Variants in TMEM135 observed in about 807,000 individuals in gnomAD.
The protein encoded by TMEM135 is transmembrane protein 135.
In TMEM135, 30 loss-of-function variants were observed where a neutral mutation model predicts 60.3. That is an observed-to-expected ratio of 0.50 (90% confidence interval 0.37 to 0.68). TMEM135 has a LOEUF of 0.68. TMEM135 is among the 30% of genes least tolerant of loss of function. The probability of loss-of-function intolerance (pLI) is 0.00; values close to 1 mark genes in which losing one functional copy is unlikely to be tolerated. For missense variants in TMEM135, 468 were observed against 548.8 expected (o/e 0.85, Z 1.47); for synonymous variants, 190 against 186.7 (o/e 1.02, Z -0.14).
At chr11:87,303,980 C>G (rs572709503) in intron 8 of TMEM135, among the ~76,000 whole-genome samples, 1 of 152,134 alleles carries the variant, frequency 6.6e-6, no homozygotes, top group Non-Finnish European at 1.5e-5. Flanking sequence ...GCAAATAATA[C>G]AAGAGACAGG....
At chr11:87,119,692 C>T (rs1857991483) in intron 4 of TMEM135, among the ~76,000 whole-genome samples, 1 of 152,192 alleles carries the variant, frequency 6.6e-6, no homozygotes, top group South Asian at 2.1e-4. Context: ...TAGAAAGACT[C>T]TGTCTCAAAA....
intron 5 of TMEM135, among the ~76,000 whole-genome samples, chr11:87,174,287 A>G (rs1184181363): frequency 2.0e-5 from 3 of 152,110 alleles, no homozygotes; most frequent in East Asian, 3.8e-4. Context: ...TACCTTACAC[A>G]TGTCTATTGC....
intron 6 of TMEM135, among the ~76,000 whole-genome samples, chr11:87,270,657 C>T (rs568428302): frequency 7.2e-5 from 11 of 152,232 alleles, no homozygotes; most frequent in Admixed American, 5.2e-4. Flanking sequence ...TCCTCTGAAA[C>T]TAAGTAAGAC....
chr11:87,101,988 AAAGAAG>A (rs1305024897), intron 4 of TMEM135, among the ~76,000 whole-genome samples: 1 of 152,292 alleles, frequency 6.6e-6, no homozygotes, highest in Middle Eastern at 3.4e-3. Flanking sequence ...AAAAAAAACA[AAAGAAG>A]AAGAAAAAAG....
intron 6 of TMEM135, among the ~76,000 whole-genome samples, chr11:87,288,427 A>C (rs1176776750): frequency 6.6e-6 from 1 of 152,206 alleles, no homozygotes; most frequent in Admixed American, 6.5e-5. Context: ...AAGCAAGTAT[A>C]ATACTCTTAG....
chr11:87,274,025 A>T (rs1453396759), intron 6 of TMEM135, among the ~76,000 whole-genome samples: 1 of 152,158 alleles, frequency 6.6e-6, no homozygotes, highest in Admixed American at 6.5e-5. Context: ...AGGATACCAG[A>T]TATGAGATTT....
intron 5 of TMEM135, among the ~76,000 whole-genome samples, chr11:87,170,679 C>T (rs184022535): frequency 1.9e-3 from 287 of 152,270 alleles, no homozygotes; most frequent in Non-Finnish European, 3.0e-3. Flanking sequence ...CCCAGAGTGG[C>T]ATCCATCAGA....
At chr11:87,224,759 GTTT>G (rs11307183) in intron 5 of TMEM135, among the ~76,000 whole-genome samples, 19 of 125,708 alleles carry the variant, frequency 1.5e-4, no homozygotes, top group Non-Finnish European at 2.1e-4. Flanking sequence ...TGACATGTGA[GTTT>G]TTTTTTTTTT....
chr11:87,192,474 A>C (rs1026562081), intron 5 of TMEM135, among the ~76,000 whole-genome samples: 23 of 152,282 alleles, frequency 1.5e-4, no homozygotes, highest in Non-Finnish European at 1.8e-4. Context: ...AAACATCAGA[A>C]GTTTATCAGT....
chr11:87,247,181 A>G (rs181565909), intron 6 of TMEM135, among the ~76,000 whole-genome samples: 106 of 151,988 alleles, frequency 7.0e-4, no homozygotes, highest in Admixed American at 1.6e-3. Flanking sequence ...TTTGTGAACC[A>G]TGAATGCTGA....
At chr11:87,311,158 A>AG (rs1265729692) in intron 10 of TMEM135, among the ~76,000 whole-genome samples, 3 of 151,710 alleles carry the variant, frequency 2.0e-5, no homozygotes. Flanking sequence ...TGTTAAATGC[A>AG]GAGAAAATTA....
chr11:87,186,734 A>G (rs1169709208), intron 5 of TMEM135, among the ~76,000 whole-genome samples: 1 of 152,182 alleles, frequency 6.6e-6, no homozygotes, highest in Non-Finnish European at 1.5e-5. Flanking sequence ...AAATATAAAG[A>G]TTTATAAAAT....
At chr11:87,091,952 A>T in intron 4 of TMEM135, among the ~76,000 whole-genome samples, 1 of 152,138 alleles carries the variant, frequency 6.6e-6, no homozygotes, top group East Asian at 1.9e-4. Context: ...TGTAAATTTT[A>T]TTGCCAAGTT....
chr11:87,181,609 C>T (rs1365486082), intron 5 of TMEM135, among the ~76,000 whole-genome samples: 1 of 152,026 alleles, frequency 6.6e-6, no homozygotes, highest in East Asian at 1.9e-4. Context: ...ATTACAAAGA[C>T]AGAATGAGGG....
intron 6 of TMEM135, among the ~76,000 whole-genome samples, chr11:87,241,529 TA>T (rs1941134077): frequency 6.6e-6 from 1 of 152,110 alleles, no homozygotes; most frequent in Admixed American, 6.6e-5. Flanking sequence ...TATTCTTAGT[TA>T]TTTTTAAATA....
At chr11:87,125,180 T>A (rs1217879623) in intron 4 of TMEM135, among the ~76,000 whole-genome samples, 1 of 152,246 alleles carries the variant, frequency 6.6e-6, no homozygotes, top group East Asian at 1.9e-4. Flanking sequence ...AAATTAGGTA[T>A]GAAACACATA....
intron 3 of TMEM135, among the ~76,000 whole-genome samples, chr11:87,085,271 G>A (rs1444644227): frequency 6.6e-6 from 1 of 152,136 alleles, no homozygotes; most frequent in Non-Finnish European, 1.5e-5. Flanking sequence ...TCTGAATTCA[G>A]CAAAAGCTGT....
intron 6 of TMEM135, among the ~76,000 whole-genome samples, chr11:87,267,477 A>G (rs1345294065): frequency 6.6e-6 from 1 of 152,214 alleles, no homozygotes; most frequent in Non-Finnish European, 1.5e-5. Context: ...CAAAAGAAAA[A>G]CAAAAGTGTT....
intron 14 of TMEM135, among the ~76,000 whole-genome samples, chr11:87,320,678 C>T (rs1269365024): frequency 6.6e-6 from 1 of 152,120 alleles, no homozygotes; most frequent in African/African-American, 2.4e-5. Context: ...TGTGTTGTGT[C>T]TATTAAACAT....
Sources: allele counts gnomAD v4.1 joint callset (sites outside exome capture counted in the v4.1 genomes callset), GRCh38; gene constraint gnomAD v4.1.1; transcripts MANE v1.5; gene names NCBI Gene and HGNC (gene_info 2026-07-23, HGNC 2026-07-21).